PLEKHH1: variants seen among roughly 807,000 people sequenced by gnomAD.
PLEKHH1 encodes the protein pleckstrin homology domain-containing family H member 1.
PLEKHH1 carries 104 observed loss-of-function variants against 160.0 expected under a neutral mutation model. That is an observed-to-expected ratio of 0.65 (90% CI 0.55 to 0.76). The LOEUF is 0.76. Among genes scored for constraint, PLEKHH1 ranks in the 30% least tolerant of loss-of-function variants. The probability of loss-of-function intolerance (pLI) is 0.00; values close to 1 mark genes in which losing one functional copy is unlikely to be tolerated. For synonymous variants in PLEKHH1, 619 were observed against 678.4 expected, an observed-to-expected ratio of 0.91 and a Z score of 1.36; for missense variants, 1,427 against 1,724.1, an observed-to-expected ratio of 0.83 and a Z score of 3.05.
At chr14:67,585,822 T>G in intron 27 of PLEKHH1, 129 bp from the exon 28 acceptor site, 1 of 1,100,956 alleles carries the variant, frequency 9.1e-7, no homozygotes, top group Non-Finnish European at 1.3e-6. Flanking sequence ...ATATTCAAGA[T>G]GGAGATCTCC....
At position 67,569,933 on chromosome 14, in the gene PLEKHH1, C is replaced by T; in HGVS notation, c.1355C>T (p.Pro452Leu). The T allele has an allele frequency of 6.2e-7, 1 of 1,607,718 alleles. No homozygotes were observed. The highest frequency in any genetic ancestry group is 8.5e-7 in the Non-Finnish European group (1 of 1,176,014). ...CTTCCCTGCTCAGCTTCAAGCCCTC[C>T]TGCCCTTGTTTCCCCTGGGTCTTTC... ...SNTACCASSPPALVSPGSFSG... is the reference protein window; with the variant it reads ...SNTACCASSPLALVSPGSFSG... Residue 452 changes from proline (P) to leucine (L), a missense_variant, in exon 9 of 29, where the codon CCT becomes CTT. Around this residue, in one of 6 missense-constraint regions of PLEKHH1, gnomAD observed 831 missense variants for 929.2 expected, o/e 0.89. Transcript: ENST00000329153.
intron 2 of PLEKHH1, among the ~76,000 whole-genome samples, chr14:67,542,274 G>A (rs534413812): frequency 2.0e-5 from 3 of 152,212 alleles, no homozygotes; most frequent in Non-Finnish European, 4.4e-5. Flanking sequence ...GCAGCGGAGA[G>A]GTTCTATTAT....
chr14:67,549,816 C>T (rs945826946), intron 2 of PLEKHH1, among the ~76,000 whole-genome samples: 27 of 152,222 alleles, frequency 1.8e-4, no homozygotes, highest in African/African-American at 5.8e-4. Flanking sequence ...CAAGCGCTTT[C>T]TTTATAAGCA....
chr14:67,562,651 G>A lies in PLEKHH1; in HGVS notation c.1020G>A (p.Gly340=). The change falls in exon 7 of 29, where the codon GGG becomes GGA. Residue 340 remains glycine (G), a synonymous_variant. Coordinates refer to ENST00000329153, the MANE Select transcript of PLEKHH1 (RefSeq NM_020715.3). ...ACAGCCAGCCCCAGGTGGGCCATGGGCACTTTGGCCGTGTGGTGAACATTG... is the reference window on the plus strand; with the variant it reads ...ACAGCCAGCCCCAGGTGGGCCATGGACACTTTGGCCGTGTGGTGAACATTG... The part of the protein sequence containing the change: ...RHHSQPQVGH[G]HFGRVVNIET... 6.2e-7 allele frequency: 1 copy of A among 1,612,806 alleles called. No individual in the cohort carries two copies. The highest frequency in any genetic ancestry group is 8.5e-7 in the Non-Finnish European group (1 of 1,179,450).
chr14:67,562,441 G>A lies in PLEKHH1; in HGVS notation c.810G>A (p.Met270Ile). ...AGAGCCCTCCCCACCAGCCATGCAT[G>A]AAGCTTCTTACCTTCAGATGTAGTT... The part of the protein sequence containing the change: ...GRESPPHQPC[M>I]KLLTFRCSSA... Residue 270 changes from methionine (M) to isoleucine (I), a missense_variant, in exon 7 of 29, where the codon ATG becomes ATA. Coordinates refer to ENST00000329153, the MANE Select transcript of PLEKHH1 (RefSeq NM_020715.3). 1 of 1,613,932 alleles carries A rather than the reference G, an allele frequency of 6.2e-7. No homozygotes were observed. The highest frequency in any genetic ancestry group is 1.1e-5 in the South Asian group (1 of 91,080).
At chr14:67,586,122 T>A (rs1266133536) in intron 28 of PLEKHH1, 25 bp downstream of exon 28, 1 of 1,612,446 alleles carries the variant, frequency 6.2e-7, no homozygotes, top group Non-Finnish European at 8.5e-7. Flanking sequence ...TGTTAAAACG[T>A]TCTACTCTGG....
At chr14:67,558,298 C>T (rs1031758247) in intron 4 of PLEKHH1, among the ~76,000 whole-genome samples, 13 of 152,330 alleles carry the variant, frequency 8.5e-5, no homozygotes, top group South Asian at 2.1e-4. Flanking sequence ...CACATGCCTT[C>T]TCCATGTAGG....
At chr14:67,554,490 A>T (rs953931560) in intron 2 of PLEKHH1, among the ~76,000 whole-genome samples, 2 of 152,198 alleles carry the variant, frequency 1.3e-5, no homozygotes, top group Non-Finnish European at 1.5e-5. Context: ...TGTATGATGC[A>T]TATGTGTTAC....
rs2035761399 is a variant in PLEKHH1, at chr14:67,579,003, G to C, written c.2850-131G>C. 3 of 670,598 alleles carry C rather than the reference G, an allele frequency of 4.5e-6. No individual in the cohort carries two copies. In the African/African-American group the frequency reaches 5.5e-5, roughly 12 times the overall value. The allele number at this position is 670,598 out of a possible 1,614,324, so 41.5% of individuals were successfully genotyped here. A position where few individuals can be genotyped will look rare whatever the true frequency, so the allele number is the denominator to read the frequency against. On this transcript the variant is annotated intron_variant, in intron 20 of 28. Coordinates refer to ENST00000329153, the MANE Select transcript of PLEKHH1 (RefSeq NM_020715.3). ...TGACAAATTAATGTCCCAGACCAGA[G>C]TCTTCAGGGCTTTTCTCACAACCTG...
chr14:67,569,169 G>T lies in PLEKHH1; in HGVS notation c.1295G>T (p.Gly432Val), dbSNP rs1354150430. 1 of 1,612,982 alleles carries T rather than the reference G, an allele frequency of 6.2e-7. No homozygotes were observed. The highest frequency in any genetic ancestry group is 1.1e-5 in the South Asian group (1 of 91,062). The change falls in exon 8 of 29, where the codon GGC becomes GTC. Residue 432 changes from glycine to valine, a missense_variant. By Grantham distance (109) the Gly-to-Val change is moderately radical. Around this residue, in one of 6 missense-constraint regions of PLEKHH1, gnomAD observed 831 missense variants for 929.2 expected, o/e 0.89. Transcript: ENST00000329153. ...CGGATCTATGCTGTGGCCACATCGG[G>T]CATGCGGCTCTCAGATATGTCTCCC... ...ESRIYAVATS[G>V]MRLSDMSPRS...
At chr14:67,580,892 C>G (rs375396321) in intron 22 of PLEKHH1, 46 bp from the exon 23 acceptor site, 1 of 1,280,106 alleles carries the variant, frequency 7.8e-7, no homozygotes, top group Non-Finnish European at 1.1e-6. Flanking sequence ...GATCCCTTCT[C>G]TCCTTATCAG....
chr14:67,549,214 C>T (rs138671897), intron 2 of PLEKHH1, among the ~76,000 whole-genome samples: 54 of 151,416 alleles, frequency 3.6e-4, no homozygotes, highest in African/African-American at 1.3e-3. Flanking sequence ...AAGATGCCTT[C>T]TAGGGCTTTT....
At position 67,579,740 on chromosome 14, in the gene PLEKHH1, C is replaced by G; in HGVS notation, c.3047C>G (p.Ser1016Cys). 1 of 1,612,908 alleles carries G rather than the reference C, an allele frequency of 6.2e-7. No homozygotes were observed. ...CCTCAGGTGGTTGGTTTTGACGGCT[C>G]TTCCACGGTTGATGAGTTCCTCCAG... ...GTYHVVGFDG[S>C]STVDEFLQRL... Residue 1016 changes from serine to cysteine, a missense_variant, in exon 22 of 29, where the codon TCT (serine) becomes TGT (cysteine). By Grantham distance (112) the Ser-to-Cys change is moderately radical. Around this residue, in one of 6 missense-constraint regions of PLEKHH1, gnomAD observed 436 missense variants for 607.5 expected, o/e 0.72. Transcript: ENST00000329153.
At chr14:67,546,837 T>C (rs1438289990) in intron 2 of PLEKHH1, among the ~76,000 whole-genome samples, 4 of 152,216 alleles carry the variant, frequency 2.6e-5, no homozygotes, top group African/African-American at 9.6e-5. Flanking sequence ...CACTCCAGCC[T>C]GGGTGACACA....
At position 67,541,887 on chromosome 14, in the gene PLEKHH1, A is replaced by G. The variant is rs777990501; in HGVS notation, c.20A>G (p.Glu7Gly). 1 of 1,602,464 alleles carries G rather than the reference A, an allele frequency of 6.2e-7. No homozygotes were observed. Among genetic ancestry groups the G allele is most frequent in the South Asian group, 1.1e-5 (1 of 88,618 alleles). The stretch of plus-strand genomic sequence containing the variant: ...TCCATCATGGCAGAACTCAAGGTGG[A>G]GGCGCCGGCCAGCGTAGACTGGCAG... MAELKVEAPASVDWQKR... is the reference protein window; with the variant it reads MAELKVGAPASVDWQKR... The change falls in exon 2 of 29, where the codon GAG (glutamate) becomes GGG (glycine). Residue 7 changes from glutamate (E) to glycine (G), a missense_variant. Around this residue, in one of 6 missense-constraint regions of PLEKHH1, gnomAD observed 831 missense variants for 929.2 expected, o/e 0.89. Coordinates refer to ENST00000329153, the MANE Select transcript of PLEKHH1 (RefSeq NM_020715.3).
chr14:67,555,571 C>T (rs2034559692), intron 2 of PLEKHH1, among the ~76,000 whole-genome samples: 1 of 152,178 alleles, frequency 6.6e-6, no homozygotes, highest in African/African-American at 2.4e-5. Flanking sequence ...TCCATCAGGA[C>T]AAAAGAGCTG....
intron 7 of PLEKHH1, 76 bp from the exon 8 acceptor site, chr14:67,569,062 T>C: frequency 9.7e-7 from 1 of 1,035,258 alleles, no homozygotes; most frequent in Non-Finnish European, 1.5e-6. Flanking sequence ...AAGCCATGCT[T>C]TTTCCTGCAC....
At position 67,555,894 on chromosome 14, in the gene PLEKHH1, A is replaced by G; in HGVS notation, c.189+7A>G. ...AGAGAACGCTGAGACCCAGGTAACCAGGGGAGGGGATCGGCGGGAATATGC... is the reference window on the plus strand; with the variant it reads ...AGAGAACGCTGAGACCCAGGTAACCGGGGGAGGGGATCGGCGGGAATATGC... On this transcript the variant is annotated splice_region_variant and intron_variant, in intron 3 of 28. Transcript: ENST00000329153. 3 of 1,613,184 alleles carry G rather than the reference A, an allele frequency of 1.9e-6. No individual in the cohort carries two copies. The highest frequency in any genetic ancestry group is 2.2e-5 in the East Asian group (1 of 44,838).
intron 2 of PLEKHH1, among the ~76,000 whole-genome samples, chr14:67,553,090 T>G (rs1173650985): frequency 1.3e-5 from 2 of 152,242 alleles, no homozygotes; most frequent in Admixed American, 6.5e-5. Context: ...TTACTCCACC[T>G]TGGTCTCCAT....
Sources: allele counts gnomAD v4.1 joint callset (sites outside exome capture counted in the v4.1 genomes callset), GRCh38; gene constraint gnomAD v4.1.1; regional missense constraint gnomAD v4.1.1; transcripts MANE v1.5; gene names NCBI Gene and HGNC (gene_info 2026-07-23, HGNC 2026-07-21).